Variants in ZFAND3 observed in about 807,000 individuals in gnomAD.
ZFAND3 encodes the protein AN1-type zinc finger protein 3.
ZFAND3 carries 10 observed loss-of-function variants against 29.6 expected under a neutral mutation model. The observed-to-expected ratio is 0.34, with a 90% CI of 0.21 to 0.57. ZFAND3 has a LOEUF of 0.57. ZFAND3 is among the 20% of genes least tolerant of loss of function. ZFAND3 has a pLI of 0.86. For synonymous variants in ZFAND3, 128 were observed against 112.6 expected (o/e 1.14, Z -0.87); for missense variants, 230 against 304.5 (o/e 0.76, Z 1.82).
intron 5 of ZFAND3, among the ~76,000 whole-genome samples, chr6:38,129,435 T>C (rs958637046): frequency 7.2e-5 from 11 of 152,334 alleles, no homozygotes; most frequent in African/African-American, 2.6e-4. Flanking sequence ...CAATGTTATC[T>C]TTTAGAATTT....
At chr6:37,879,079 G>A (rs1764844255) in intron 1 of ZFAND3, among the ~76,000 whole-genome samples, 1 of 152,214 alleles carries the variant, frequency 6.6e-6, no homozygotes, top group Non-Finnish European at 1.5e-5. Context: ...ATGTAGTTGA[G>A]TATTAGCCAA....
chr6:38,137,081 C>T (rs1046088489), intron 5 of ZFAND3, among the ~76,000 whole-genome samples: 1 of 152,212 alleles, frequency 6.6e-6, no homozygotes, highest in South Asian at 2.1e-4. Flanking sequence ...TCTGTGTTGT[C>T]TGTACTCCGC....
intron 3 of ZFAND3, among the ~76,000 whole-genome samples, chr6:38,076,016 C>T (rs575885355): frequency 6.6e-5 from 10 of 152,014 alleles, no homozygotes; most frequent in African/African-American, 2.2e-4. Context: ...CCTTGCAAAG[C>T]GCTGGGATTA....
chr6:37,824,266 A>G (rs957097677), intron 1 of ZFAND3, among the ~76,000 whole-genome samples: 3 of 152,228 alleles, frequency 2.0e-5, no homozygotes, highest in Non-Finnish European at 4.4e-5. Flanking sequence ...CTTTAGATGA[A>G]ATATACACAT....
chr6:38,045,106 A>G (rs1476548450), intron 2 of ZFAND3, among the ~76,000 whole-genome samples: 1 of 149,326 alleles, frequency 6.7e-6, no homozygotes, highest in Non-Finnish European at 1.5e-5. Flanking sequence ...TTATTTATTG[A>G]GATGGAATCT....
chr6:38,086,637 TTTTC>T (rs1323706625), intron 4 of ZFAND3, among the ~76,000 whole-genome samples: 1 of 152,232 alleles, frequency 6.6e-6, no homozygotes, highest in Admixed American at 6.5e-5. Flanking sequence ...GTCCCTCATC[TTTTC>T]TAACCGTCAA....
At chr6:37,979,635 TC>T (rs1762547955) in intron 2 of ZFAND3, among the ~76,000 whole-genome samples, 1 of 152,198 alleles carries the variant, frequency 6.6e-6, no homozygotes, top group Non-Finnish European at 1.5e-5. Context: ...CAGGCACTAT[TC>T]CTTGCCCTGT....
chr6:37,901,100 G>A (rs1402543985), intron 1 of ZFAND3, among the ~76,000 whole-genome samples: 2 of 152,132 alleles, frequency 1.3e-5, no homozygotes, highest in East Asian at 3.9e-4. Context: ...TGTGGTGTTA[G>A]AGGTGAGGGA....
At chr6:37,905,844 CA>C (rs1561929043) in intron 1 of ZFAND3, among the ~76,000 whole-genome samples, 2 of 151,668 alleles carry the variant, frequency 1.3e-5, no homozygotes, top group South Asian at 4.2e-4. Context: ...AACTGAAATT[CA>C]AAAAAAGTTG....
chr6:38,100,555 C>A (rs1057353175), intron 4 of ZFAND3, among the ~76,000 whole-genome samples: 1 of 152,180 alleles, frequency 6.6e-6, no homozygotes, highest in South Asian at 2.1e-4. Context: ...GTTTTGACTT[C>A]ACTGCAAACC....
chr6:38,002,191 ACTTG>A (rs1167725017), intron 2 of ZFAND3, among the ~76,000 whole-genome samples: 1 of 152,102 alleles, frequency 6.6e-6, no homozygotes, highest in Admixed American at 6.6e-5. Context: ...AACAATAAAT[ACTTG>A]CAAGCTCAAT....
chr6:37,947,851 A>G (rs1484696651), intron 2 of ZFAND3, among the ~76,000 whole-genome samples: 3 of 151,922 alleles, frequency 2.0e-5, no homozygotes, highest in Non-Finnish European at 4.4e-5. Context: ...TTACTTTTTT[A>G]TGGGTATATA....
chr6:37,824,494 T>C (rs1763724200), intron 1 of ZFAND3, among the ~76,000 whole-genome samples: 1 of 152,240 alleles, frequency 6.6e-6, no homozygotes, highest in South Asian at 2.1e-4. Context: ...GGAATTGTTT[T>C]CTAATTCTAT....
intron 4 of ZFAND3, among the ~76,000 whole-genome samples, chr6:38,105,447 T>C (rs1454913741): frequency 2.0e-5 from 3 of 152,206 alleles, no homozygotes; most frequent in African/African-American, 7.2e-5. Context: ...ATGGGTTGTG[T>C]ACACACTGTA....
In ZFAND3 at chr6:38,152,964, G is replaced by T. The variant is rs1766263484; in HGVS notation, c.*575G>T. ...CACAGAGCTGGAAATGGGGGGTGGG[G>T]GACAGATTCTTACGGAAATTTTTTT... On this transcript the variant is annotated 3_prime_UTR_variant, in exon 6 of 6. Transcript: ENST00000287218. The T allele has an allele frequency of 6.1e-6, 6 of 985,834 alleles. No individual in the cohort carries two copies. The highest frequency in any genetic ancestry group is 7.2e-6 in the Non-Finnish European group (6 of 829,942). The allele number at this position is 985,834 out of a possible 1,614,324, so 61.1% of individuals were successfully genotyped here. A position where few individuals can be genotyped will look rare whatever the true frequency, so the allele number is the denominator to read the frequency against.
chr6:38,144,214 ATATAATATATATATATATT>A (rs2127496771), intron 5 of ZFAND3, among the ~76,000 whole-genome samples: 1 of 47,652 alleles, frequency 2.1e-5, no homozygotes, highest in East Asian at 4.4e-4. Flanking sequence ...TATATATAAT[ATATAATATATATATATATT>A]TTTTTTTTAA....
chr6:37,951,304 A>G (rs547301469), intron 2 of ZFAND3, among the ~76,000 whole-genome samples: 2 of 152,254 alleles, frequency 1.3e-5, no homozygotes, highest in African/African-American at 2.4e-5. Context: ...GTATAAAATC[A>G]TATCATGGCT....
At chr6:37,947,791 C>T (rs1454415555) in intron 2 of ZFAND3, among the ~76,000 whole-genome samples, 3 of 152,212 alleles carry the variant, frequency 2.0e-5, no homozygotes, top group African/African-American at 7.2e-5. Context: ...CCACCCTCTC[C>T]TATTCCCCCC....
At chr6:38,101,940 A>G (rs1461827120) in intron 4 of ZFAND3, among the ~76,000 whole-genome samples, 3 of 152,160 alleles carry the variant, frequency 2.0e-5, no homozygotes, top group African/African-American at 7.2e-5. Context: ...ATTCAAGCTG[A>G]TTTTTTTAAA....
Sources: gnomAD v4.1 joint callset for allele counts (sites outside exome capture counted in the v4.1 genomes callset) on GRCh38, gnomAD v4.1.1 for gene constraint, MANE v1.5 for transcripts, NCBI Gene and HGNC (gene_info 2026-07-23, HGNC 2026-07-21) for gene names.